The following DZANK1 variants were observed in gnomAD, a reference collection of about 807,000 sequenced individuals.
DZANK1 encodes the protein double zinc ribbon and ankyrin repeat domains 1, also known as double zinc ribbon and ankyrin repeat-containing protein 1.
Under a neutral mutation model 94.5 loss-of-function variants are expected in DZANK1, and 91 were observed. The ratio of observed to expected loss-of-function variants is 0.96; its 90% CI spans 0.81 to 1.15. DZANK1 has a LOEUF of 1.15. Ranked by LOEUF, DZANK1 falls within the 50% of genes most tolerant of loss-of-function variation. The probability of loss-of-function intolerance (pLI) is 0.00; values close to 1 mark genes in which losing one functional copy is unlikely to be tolerated. For missense variants in DZANK1, 903 were observed against 916.4 expected, an observed-to-expected ratio of 0.99 and a Z score of 0.19; for synonymous variants, 312 against 325.3, an observed-to-expected ratio of 0.96 and a Z score of 0.44.
At chr20:18,439,857 C>G (rs1207908678) in intron 8 of DZANK1, among the ~76,000 whole-genome samples, 1 of 152,168 alleles carries the variant, frequency 6.6e-6, no homozygotes, top group Non-Finnish European at 1.5e-5. Flanking sequence ...ATTCCCTGCT[C>G]CACATGATGC....
chr20:18,438,014 C>T (rs1429446216), intron 8 of DZANK1, among the ~76,000 whole-genome samples: 1 of 151,670 alleles, frequency 6.6e-6, no homozygotes, highest in Non-Finnish European at 1.5e-5. Context: ...GTCAGGAGAT[C>T]GAGACCATCC....
intron 1 of DZANK1, 168 bp from the exon 2 acceptor site, chr20:18,465,545 G>A (rs2148841372): frequency 3.4e-6 from 1 of 295,010 alleles, no homozygotes; most frequent in Non-Finnish European, 6.2e-6. Context: ...TGTATTTGCT[G>A]TTGAGGTCTT....
chr20:18,451,591 G>T (rs749971956), intron 6 of DZANK1, among the ~76,000 whole-genome samples: 3 of 151,980 alleles, frequency 2.0e-5, no homozygotes, highest in Non-Finnish European at 4.4e-5. Flanking sequence ...GTCCAGCTCT[G>T]ACCTCTCCCA....
At chr20:18,394,780 T>C in intron 15 of DZANK1, 1 of 458,006 alleles carries the variant, frequency 2.2e-6, no homozygotes, top group Non-Finnish European at 4.4e-6. Context: ...CAAGTGTGAA[T>C]CCTGGGTCTG....
At chr20:18,455,322 G>A (rs373925424) in exon 4 of DZANK1, 66 of 1,608,284 alleles carry the variant, frequency 4.1e-5, no homozygotes, top group Non-Finnish European at 5.1e-5. Flanking sequence ...CATAGTCTAC[G>A]TGAAACACCT....
intron 8 of DZANK1, among the ~76,000 whole-genome samples, chr20:18,439,928 A>G (rs73262939): frequency 0.023 from 3,552 of 152,160 alleles, 150 homozygotes; most frequent in African/African-American, 0.081. Flanking sequence ...CCAGCCCCCA[A>G]TGTGATTGTA....
chr20:18,405,187 A>G (rs768577041), intron 13 of DZANK1, among the ~76,000 whole-genome samples: 1 of 152,122 alleles, frequency 6.6e-6, no homozygotes, highest in Non-Finnish European at 1.5e-5. Flanking sequence ...ACAGAGCAAG[A>G]CTCTGCCTAT....
intron 11 of DZANK1, among the ~76,000 whole-genome samples, chr20:18,414,883 C>G (rs558477354): frequency 6.6e-6 from 1 of 152,332 alleles, no homozygotes; most frequent in South Asian, 2.1e-4. Flanking sequence ...TTTACTTATA[C>G]ATGCATTGAA....
rs533005016 is a variant in DZANK1 at position 18,403,011 on chromosome 20, A to T, written c.1433-4385T>A. 3.3e-5 allele frequency among the ~76,000 whole-genome samples: 5 copies of T among 152,310 alleles called. No individual in the cohort carries two copies. In the East Asian group the frequency reaches 5.8e-4, roughly 18 times the overall value. ...TTCCACATGTTCTCAGCTCCACTCCATATAGGTGCAGATGAGTACACAGGG... is the reference window on the plus strand; with the variant it reads ...TTCCACATGTTCTCAGCTCCACTCCTTATAGGTGCAGATGAGTACACAGGG... On this transcript the variant is annotated intron_variant, in intron 13 of 20. Coordinates refer to ENST00000262547, the Ensembl canonical transcript of DZANK1.
intron 10 of DZANK1, chr20:18,421,510 C>G (rs1295776541): frequency 2.0e-5 from 3 of 152,386 alleles, no homozygotes; most frequent in Non-Finnish European, 4.4e-5. Context: ...AGGCTTTAAG[C>G]ACCAACTATT....
chr20:18,415,370 C>A (rs748780189), exon 11 of DZANK1: 2 of 1,595,108 alleles, frequency 1.3e-6, no homozygotes, highest in African/African-American at 2.7e-5. Flanking sequence ...CCAGAGATTC[C>A]AGCGACCACA....
intron 13 of DZANK1, among the ~76,000 whole-genome samples, chr20:18,403,645 GC>G (rs767892483): frequency 4.4e-4 from 67 of 152,162 alleles, no homozygotes; most frequent in Admixed American, 8.5e-4. Flanking sequence ...GCTAAGAAGA[GC>G]CCTCCTGAGG....
At position 18,465,244 on chromosome 20, in the gene DZANK1, T is replaced by C; in HGVS notation, c.109+6A>G. The C allele has an allele frequency of 6.5e-7, 1 of 1,542,476 alleles. No individual in the cohort carries two copies. Among genetic ancestry groups the C allele is most frequent in the Non-Finnish European group, 8.9e-7 (1 of 1,128,234 alleles). On this transcript the variant is annotated splice_donor_region_variant and intron_variant, in intron 2 of 20. Coordinates refer to ENST00000262547, the Ensembl canonical transcript of DZANK1. The stretch of plus-strand genomic sequence containing the variant: ...TTAAACAATTTCAAACATATGTGAT[T>C]CTTACCTGATTTCATTTCCAAAAGC...
At chr20:18,422,232 A>G (rs1043870162) in intron 10 of DZANK1, among the ~76,000 whole-genome samples, 2 of 152,210 alleles carry the variant, frequency 1.3e-5, no homozygotes, top group African/African-American at 4.8e-5. Context: ...GTGTGAGATA[A>G]GGATCTAATT....
intron 4 of DZANK1, chr20:18,454,405 T>A (rs900963211): frequency 5.1e-6 from 1 of 194,680 alleles, no homozygotes; most frequent in African/African-American, 2.3e-5. Context: ...AGGTTCATGG[T>A]CAAGCTTAAG....
chr20:18,453,891 G>C, intron 4 of DZANK1, 64 bp from the exon 5 acceptor site: 1 of 1,008,444 alleles, frequency 9.9e-7, no homozygotes, highest in Non-Finnish European at 1.6e-6. Context: ...AAAGCTGCAT[G>C]ATAGAGAAAG....
intron 8 of DZANK1, among the ~76,000 whole-genome samples, chr20:18,438,218 C>CAAAAA (rs761846698): frequency 8.7e-5 from 5 of 57,624 alleles, no homozygotes; most frequent in Non-Finnish European, 1.2e-4. Flanking sequence ...GACTCTGTCT[C>CAAAAA]AAAAAAAAAA....
intron 2 of DZANK1, among the ~76,000 whole-genome samples, chr20:18,463,272 T>C (rs951610712): frequency 4.6e-5 from 7 of 152,158 alleles, no homozygotes; most frequent in African/African-American, 1.7e-4. Flanking sequence ...GAAAACGAAA[T>C]ACCACGTGTT....
chr20:18,412,346 C>T (rs2057297888), intron 13 of DZANK1, among the ~76,000 whole-genome samples: 1 of 152,052 alleles, frequency 6.6e-6, no homozygotes, highest in Non-Finnish European at 1.5e-5. Flanking sequence ...TGGCAGATAG[C>T]AATAGCACTG....
Sources: gnomAD v4.1 joint callset for allele counts (sites outside exome capture counted in the v4.1 genomes callset) on GRCh38, gnomAD v4.1.1 for gene constraint, MANE v1.5 for transcripts, NCBI Gene and HGNC (gene_info 2026-07-23, HGNC 2026-07-21) for gene names.